ZDHHC11: variants seen among roughly 807,000 people sequenced by gnomAD.
The protein encoded by ZDHHC11 is palmitoyltransferase ZDHHC11.
Under a neutral mutation model 51.3 loss-of-function variants are expected in ZDHHC11, and 44 were observed. That is an observed-to-expected ratio of 0.86 (90% CI 0.67 to 1.10). The LOEUF (loss-of-function observed/expected upper bound fraction) is 1.10. ZDHHC11 is among the 50% of genes least tolerant of loss of function. The pLI is 0.00. For synonymous variants in ZDHHC11, 163 were observed against 222.0 expected (o/e 0.73, Z 2.36); for missense variants, 400 against 537.7 (o/e 0.74, Z 2.53).
chr5:796,129 G>T lies in ZDHHC11; in HGVS notation c.*459C>A, dbSNP rs1448525590. The T allele has an allele frequency of 1.3e-5, 2 of 157,300 alleles. No homozygotes were observed. The highest frequency in any genetic ancestry group is 2.4e-5 in the African/African-American group (1 of 41,464). 9.7% of individuals were successfully genotyped at this position (157,300 alleles called of 1,614,324 possible). A position where few individuals can be genotyped will look rare whatever the true frequency, so the allele number is the denominator to read the frequency against. On this transcript the variant is annotated 3_prime_UTR_variant, in exon 13 of 13. Coordinates refer to ENST00000283441, the MANE Select transcript of ZDHHC11 (RefSeq NM_024786.3). ...GTGAGCCCCCATTTCCCAGTACTGT[G>T]CTCCCATTTCCCAGTACTGTGCTCC...
In ZDHHC11 at chr5:813,741, T is replaced by A. The variant is rs2335591; in HGVS notation, c.1181+1020A>T. On this transcript the variant is annotated intron_variant, in intron 11 of 12. Transcript: ENST00000283441. ...CGGGGCTGTTCTGTGCAGGCTGGGG[T>A]GGGGGCTTCCCCTGTGGGGCCGGCT... 2.2e-3 allele frequency among the ~76,000 whole-genome samples: 298 copies of A among 136,846 alleles called. 11 individuals carry two copies. Among genetic ancestry groups the A allele is most frequent in the African/African-American group, 8.4e-3 (287 of 34,164 alleles). 89.8% of individuals were successfully genotyped at this position (136,846 alleles called of 152,430 possible).
intron 11 of ZDHHC11, 30 bp downstream of exon 11, chr5:814,730 CA>C: frequency 1.3e-6 from 2 of 1,541,128 alleles, no homozygotes; most frequent in Non-Finnish European, 1.7e-6. Context: ...TAGAGACAGA[CA>C]AAACGTTCCC....
intron 10 of ZDHHC11, 30 bp downstream of exon 10, chr5:819,495 T>C: frequency 6.3e-7 from 1 of 1,596,780 alleles, no homozygotes; most frequent in Non-Finnish European, 8.6e-7. Context: ...GGCCCTGTCC[T>C]CGGGGACAGC....
chr5:843,492 C>T (rs372508108), intron 4 of ZDHHC11, 108 bp downstream of exon 4: 102,843 of 1,459,134 alleles, frequency 0.07, 358 homozygotes, highest in East Asian at 0.2. Flanking sequence ...CTGCCTGCCC[C>T]GGCCTCTCCC....
chr5:797,513 C>T (rs1218342628), intron 12 of ZDHHC11, among the ~76,000 whole-genome samples: 2 of 151,122 alleles, frequency 1.3e-5, no homozygotes, highest in Non-Finnish European at 3.0e-5. Flanking sequence ...TCAGTAATTT[C>T]TTCAGCTCTA....
intron 5 of ZDHHC11, chr5:839,846 C>A (rs1421465281): frequency 3.8e-6 from 1 of 265,716 alleles, no homozygotes; most frequent in South Asian, 5.6e-5. Context: ...GCCACAGCCT[C>A]GGGGCCACCA....
upstream of ZDHHC11, among the ~76,000 whole-genome samples, chr5:851,775 G>C (rs1207317101): frequency 6.6e-6 from 1 of 152,176 alleles, no homozygotes; most frequent in African/African-American, 2.4e-5. Context: ...TGGTTCTTTG[G>C]CCGGGCGCGG....
upstream of ZDHHC11, among the ~76,000 whole-genome samples, chr5:851,471 C>T (rs373256623): frequency 6.6e-6 from 1 of 152,290 alleles, no homozygotes; most frequent in South Asian, 2.1e-4. Context: ...AGCTTCGCCA[C>T]GTTATGCCTC....
intron 1 of ZDHHC11, among the ~76,000 whole-genome samples, chr5:857,141 T>C (rs1748373697): frequency 6.6e-6 from 1 of 152,188 alleles, no homozygotes; most frequent in Non-Finnish European, 1.5e-5. Flanking sequence ...TGAAGACTTG[T>C]AATGTTGGGT....
At chr5:849,128 C>T (rs1746749271) in intron 1 of ZDHHC11, among the ~76,000 whole-genome samples, 1 of 152,198 alleles carries the variant, frequency 6.6e-6, no homozygotes, top group Non-Finnish European at 1.5e-5. Context: ...ACACACAGCC[C>T]TGCTTACCCA....
intron 9 of ZDHHC11, among the ~76,000 whole-genome samples, chr5:819,881 CCCT>C (rs1561250628): frequency 6.6e-6 from 1 of 151,294 alleles, no homozygotes; most frequent in Non-Finnish European, 1.5e-5. Flanking sequence ...GCGAGCCCCA[CCCT>C]AGACCAGTGC....
At chr5:859,792 C>T (rs1748695151), upstream of ZDHHC11, among the ~76,000 whole-genome samples, 2 of 152,226 alleles carry the variant, frequency 1.3e-5, no homozygotes, top group South Asian at 4.1e-4. Context: ...CATCCTCCCT[C>T]CTGTCCCTGC....
chr5:804,579 A>C (rs1352806105), intron 11 of ZDHHC11, among the ~76,000 whole-genome samples: 1 of 151,390 alleles, frequency 6.6e-6, no homozygotes, highest in Non-Finnish European at 1.5e-5. Flanking sequence ...GGCATAGACA[A>C]CAAGAGAATT....
intron 11 of ZDHHC11, among the ~76,000 whole-genome samples, chr5:802,447 A>G (rs1246860240): frequency 2.0e-5 from 3 of 151,288 alleles, no homozygotes; most frequent in Non-Finnish European, 4.4e-5. Flanking sequence ...ATGGTGGAGG[A>G]TTGTGAGACA....
chr5:853,879 C>G (rs181704288), upstream of ZDHHC11, among the ~76,000 whole-genome samples: 1 of 146,162 alleles, frequency 6.8e-6, no homozygotes, highest in Non-Finnish European at 1.5e-5. Context: ...ACAGACCCCA[C>G]AGAGGACAGC....
chr5:853,063 G>A, upstream of ZDHHC11, among the ~76,000 whole-genome samples: 1 of 143,478 alleles, frequency 7.0e-6, no homozygotes, highest in East Asian at 2.1e-4. Flanking sequence ...AGCGAGCCAG[G>A]TGGACAGACC....
chr5:825,466 C>T (rs1194696007), intron 7 of ZDHHC11, among the ~76,000 whole-genome samples: 3 of 152,130 alleles, frequency 2.0e-5, no homozygotes, highest in African/African-American at 7.2e-5. Context: ...AGGACCATGA[C>T]TCTTTGCCAC....
chr5:834,281 A>G (rs1324470663), intron 6 of ZDHHC11, among the ~76,000 whole-genome samples: 1 of 152,268 alleles, frequency 6.6e-6, no homozygotes, highest in South Asian at 2.1e-4. Flanking sequence ...TGGCATCCAT[A>G]TATCTATACA....
chr5:812,438 C>T (rs1257071477), intron 11 of ZDHHC11, among the ~76,000 whole-genome samples: 1 of 151,648 alleles, frequency 6.6e-6, no homozygotes, highest in Non-Finnish European at 1.5e-5. Flanking sequence ...CTAATTCATA[C>T]AAGAGGAACT....
Sources: allele counts gnomAD v4.1 joint callset (sites outside exome capture counted in the v4.1 genomes callset), GRCh38; gene constraint gnomAD v4.1.1; transcripts MANE v1.5; gene names NCBI Gene and HGNC (gene_info 2026-07-23, HGNC 2026-07-21).